Variants in SLC26A1 observed in about 807,000 individuals in gnomAD.
The protein encoded by SLC26A1 is solute carrier family 26 member 1, also known as sulfate anion transporter 1.
SLC26A1 carries 18 observed loss-of-function variants against 14.5 expected under a neutral mutation model. The observed-to-expected ratio is 1.24, with a 90% CI of 0.86 to 1.84. SLC26A1 has a LOEUF of 1.84. Among genes scored for constraint, SLC26A1 ranks in the 40% most tolerant of loss-of-function variants. The pLI, the probability that SLC26A1 is intolerant of heterozygous loss-of-function variation, is 0.00. For missense variants in SLC26A1, 1,049 were observed against 1,020.0 expected (o/e 1.03, Z -0.39); for synonymous variants, 505 against 492.0 (o/e 1.03, Z -0.35).
chr4:983,160 C>T (rs1034650806), downstream of SLC26A1, among the ~76,000 whole-genome samples: 12 of 152,196 alleles, frequency 7.9e-5, no homozygotes, highest in South Asian at 2.1e-4. Flanking sequence ...TTGTTTTATG[C>T]GGTTACGATT....
rs376740599 is a variant in SLC26A1 at position 991,214 on chromosome 4, C to T, written c.490G>A (p.Gly164Ser). The T allele has an allele frequency of 1.2e-5, 20 of 1,607,744 alleles. No individual in the cohort carries two copies. The highest frequency in any genetic ancestry group is 9.9e-5 in the South Asian group (9 of 90,806). ...QPGANSSTLN[G>S]SAAMLDCGRD... ...CCGCAGTCCAGCATGGCAGCCGAGCCGTTGAGGGTGCTGCTGTTGGCTCCG... is the reference window on the plus strand; with the variant it reads ...CCGCAGTCCAGCATGGCAGCCGAGCTGTTGAGGGTGCTGCTGTTGGCTCCG... Residue 164 changes from glycine (G) to serine (S), a missense_variant, in exon 2 of 3, where the codon GGC becomes AGC. Physicochemically the swap from Gly to Ser is moderately conservative, Grantham distance 56. Coordinates refer to ENST00000398516, the MANE Select transcript of SLC26A1 (RefSeq NM_022042.4).
intron 2 of SLC26A1, among the ~76,000 whole-genome samples, chr4:982,266 T>G (rs1713567329): frequency 6.6e-6 from 1 of 152,188 alleles, no homozygotes; most frequent in Non-Finnish European, 1.5e-5. Context: ...AAGCTCAGCT[T>G]GGCCTCAGAG....
intron 2 of SLC26A1, among the ~76,000 whole-genome samples, chr4:981,039 C>T (rs1331914640): frequency 6.6e-6 from 1 of 152,204 alleles, no homozygotes; most frequent in Non-Finnish European, 1.5e-5. Context: ...CCAGCGACTC[C>T]CCAGTCAGCA....
chr4:983,367 CTT>C (rs944958827), downstream of SLC26A1, among the ~76,000 whole-genome samples: 5 of 152,198 alleles, frequency 3.3e-5, no homozygotes, highest in East Asian at 1.9e-4. Context: ...ACTCTAATAA[CTT>C]TTCTCTGTCT....
rs750760790 is a variant in SLC26A1, at chr4:991,795, C to T, written c.-27-65G>A. ...ATCCAGGGCCAAACGACAAGGTCCC[C>T]GGCAGCAACGGGCCCCTTGGGGCGG... On this transcript the variant is annotated intron_variant, in intron 1 of 2. Transcript: ENST00000398516. 58 of 1,530,386 alleles carry T rather than the reference C, an allele frequency of 3.8e-5. No homozygotes were observed. In the Admixed American group the frequency reaches 5.6e-4, roughly 15 times the overall value. The allele number at this position is 1,530,386 out of a possible 1,614,324, so 94.8% of individuals were successfully genotyped here.
rs1371218359 is a variant in SLC26A1, at chr4:988,047, C to T, written c.*786G>A. 2 of 1,478,970 alleles carry T rather than the reference C, an allele frequency of 1.4e-6. No homozygotes were observed. Among genetic ancestry groups the T allele is most frequent in the East Asian group, 2.5e-5 (1 of 40,150 alleles). The allele number at this position is 1,478,970 out of a possible 1,614,324, so 91.6% of individuals were successfully genotyped here. ...CTGCTCGGAAGACCCCTTGTTCCCC[C>T]ACCTCCCGCCGAAGCACCCTGTTGG... On this transcript the variant is annotated 3_prime_UTR_variant, in exon 3 of 3. Coordinates refer to ENST00000398516, the MANE Select transcript of SLC26A1 (RefSeq NM_022042.4).
At position 989,244 on chromosome 4, in the gene SLC26A1, G is replaced by A. The variant is rs111355520; in HGVS notation, c.1695C>T (p.Asp565=). 2.4e-5 allele frequency: 39 copies of A among 1,612,592 alleles called. No individual in the cohort carries two copies. The highest frequency in any genetic ancestry group is 2.4e-4 in the African/African-American group (18 of 75,060). The change falls in exon 3 of 3, where the codon GAC becomes GAT. Residue 565 remains aspartate (D), a synonymous_variant. Transcript: ENST00000398516. ...LQSLYSLTGL[D]AGCMAARRKE... ...TCCTCCTGGCAGCCATGCACCCTGC[G>A]TCCAGCCCCGTGAGGCTGTAGAGTG...
rs1317827270 is a variant in SLC26A1 at position 989,014 on chromosome 4, A to G, written c.1925T>C (p.Ile642Thr). The G allele has an allele frequency of 1.3e-6, 2 of 1,589,282 alleles. No individual in the cohort carries two copies. Among genetic ancestry groups the G allele is most frequent in the Admixed American group, 1.8e-5 (1 of 56,672 alleles). The part of the protein sequence containing the change: ...DLRRDYGALG[I>T]SLLLACCSPP... Reference sequence around the variant, plus strand: ...GCTGCAGCAGGCTAGCAGCAGGCTGATGCCCAGGGCCCCGTAGTCTCGGCG... The same window carrying G: ...GCTGCAGCAGGCTAGCAGCAGGCTGGTGCCCAGGGCCCCGTAGTCTCGGCG... The change falls in exon 3 of 3, where the codon ATC becomes ACC. Residue 642 changes from isoleucine (I) to threonine (T), a missense_variant. Coordinates refer to ENST00000398516, the MANE Select transcript of SLC26A1 (RefSeq NM_022042.4).
chr4:990,332 C>T lies in SLC26A1; in HGVS notation c.607G>A (p.Val203Met), dbSNP rs200417386. 7.9e-5 allele frequency: 126 copies of T among 1,603,642 alleles called. No individual in the cohort carries two copies. The highest frequency in any genetic ancestry group is 2.7e-4 in the Admixed American group (16 of 58,532). Residue 203 changes from valine (V) to methionine (M), a missense_variant, in exon 3 of 3, where the codon GTG (valine) becomes ATG (methionine). Physicochemically the swap from Val to Met is conservative, Grantham distance 21. Coordinates refer to ENST00000398516, the MANE Select transcript of SLC26A1 (RefSeq NM_022042.4). Reference sequence around the variant, plus strand: ...AGTGGCTGTGAGAGGTAGGCGGACACGAAGCCCAGCCGGAGGACGCCCATG... The same window carrying T: ...AGTGGCTGTGAGAGGTAGGCGGACATGAAGCCCAGCCGGAGGACGCCCATG... ...VLMGVLRLGF[V>M]SAYLSQPLLD...
chr4:982,369 G>A (rs1186700720), intron 2 of SLC26A1, among the ~76,000 whole-genome samples: 1 of 152,148 alleles, frequency 6.6e-6, no homozygotes, highest in Non-Finnish European at 1.5e-5. Flanking sequence ...TGGCTTGCCG[G>A]ATGCCAAGTG....
At chr4:985,934 T>G (rs998381293), downstream of SLC26A1, among the ~76,000 whole-genome samples, 1 of 152,196 alleles carries the variant, frequency 6.6e-6, no homozygotes, top group Non-Finnish European at 1.5e-5. Context: ...CTTTTCTTTT[T>G]TTAGAGATGG....
chr4:989,298 G>A lies in SLC26A1; in HGVS notation c.1641C>T (p.Tyr547=), dbSNP rs912693918. The A allele has an allele frequency of 1.9e-6, 3 of 1,612,466 alleles. No individual in the cohort carries two copies. Among genetic ancestry groups the A allele is most frequent in the Non-Finnish European group, 2.5e-6 (3 of 1,179,772 alleles). Reference sequence around the variant, plus strand: ...GCAGGAAGAAGTCCTTGTTGGCATAGTACAGCGGCCCCCCAAAGCGGAACA... The same window carrying A: ...GCAGGAAGAAGTCCTTGTTGGCATAATACAGCGGCCCCCCAAAGCGGAACA... ...VRVFRFGGPL[Y]YANKDFFLQS... is the part of the protein sequence containing the mutation. Residue 547 remains tyrosine, a synonymous_variant, in exon 3 of 3, where the codon TAC becomes TAT. Coordinates refer to ENST00000398516, the MANE Select transcript of SLC26A1 (RefSeq NM_022042.4).
rs1445732147 is a variant in SLC26A1, at chr4:989,900, C to G, written c.1039G>C (p.Ala347Pro). ...LMQRVALDAVALALVAAAFSI... is the reference protein window; with the variant it reads ...LMQRVALDAVPLALVAAAFSI... ...AAGGCGGCAGCCACGAGGGCCAGGG[C>G]CACGGCATCCAAAGCCACACGCTGC... Residue 347 changes from alanine (A) to proline (P), a missense_variant, in exon 3 of 3, where the codon GCC becomes CCC. Coordinates refer to ENST00000398516, the MANE Select transcript of SLC26A1 (RefSeq NM_022042.4). The G allele has an allele frequency of 2.6e-6, 4 of 1,564,890 alleles. No individual in the cohort carries two copies. Among genetic ancestry groups the G allele is most frequent in the South Asian group, 2.3e-5 (2 of 85,232 alleles).
At chr4:990,655 G>A in intron 2 of SLC26A1, 1 of 474,670 alleles carries the variant, frequency 2.1e-6, no homozygotes, top group South Asian at 3.0e-5. Context: ...TCAGAATTAA[G>A]ACCTCTGGTA....
downstream of SLC26A1, among the ~76,000 whole-genome samples, chr4:983,094 G>A (rs1189883385): frequency 6.6e-6 from 1 of 152,236 alleles, no homozygotes; most frequent in African/African-American, 2.4e-5. Context: ...CAGCACCTGT[G>A]CCACTCTTGC....
At chr4:983,610 G>A (rs1577503664), downstream of SLC26A1, among the ~76,000 whole-genome samples, 1 of 152,350 alleles carries the variant, frequency 6.6e-6, no homozygotes, top group Non-Finnish European at 1.5e-5. Context: ...CAGAACCTGA[G>A]TATAAAAATG....
chr4:979,425 T>A (rs1408680554), exon 3 of SLC26A1: 2 of 1,584,076 alleles, frequency 1.3e-6, no homozygotes, highest in Non-Finnish European at 1.7e-6. Context: ...TCTTTCCTCC[T>A]CTTCCAGAAG....
chr4:990,400 CG>C lies in SLC26A1; in HGVS notation c.577-39del. 2.0e-6 allele frequency: 3 copies of C among 1,527,482 alleles called. 1 individual carries two copies. In the South Asian group the frequency reaches 3.7e-5, roughly 19 times the overall value. 94.6% of individuals were successfully genotyped at this position (1,527,482 alleles called of 1,614,324 possible). On this transcript the variant is annotated intron_variant, in intron 2 of 2. Transcript: ENST00000398516. ...TGCGGTCAGGCCAGCAGGCGCCTGGCGGGAGCCACCTGCCCCTCACCAGCAC... is the reference window on the plus strand; with the variant it reads ...TGCGGTCAGGCCAGCAGGCGCCTGGCGGAGCCACCTGCCCCTCACCAGCAC...
chr4:981,632 C>T (rs1171737041), intron 2 of SLC26A1, among the ~76,000 whole-genome samples: 3 of 152,094 alleles, frequency 2.0e-5, no homozygotes, highest in Non-Finnish European at 4.4e-5. Context: ...AGCAAGACCC[C>T]GTCTAAAAAC....
Sources: gnomAD v4.1 joint callset for allele counts (sites outside exome capture counted in the v4.1 genomes callset) on GRCh38, gnomAD v4.1.1 for gene constraint, MANE v1.5 for transcripts, NCBI Gene and HGNC (gene_info 2026-07-23, HGNC 2026-07-21) for gene names.